GALNT8: variants seen among roughly 807,000 people sequenced by gnomAD.
GALNT8 encodes polypeptide N-acetylgalactosaminyltransferase 8, also known as probable polypeptide N-acetylgalactosaminyltransferase 8.
Under a neutral mutation model 62.7 loss-of-function variants are expected in GALNT8, and 66 were observed. That is an observed-to-expected ratio of 1.05 (90% confidence interval 0.86 to 1.29). The LOEUF (loss-of-function observed/expected upper bound fraction) is 1.29, where lower values mean the gene tolerates loss of function less well. Ranked by LOEUF, GALNT8 falls within the 50% of genes most tolerant of loss-of-function variation. The pLI is 0.00. For missense variants in GALNT8, 771 were observed against 791.8 expected, an observed-to-expected ratio of 0.97 and a Z score of 0.32; for synonymous variants, 288 against 294.3, an observed-to-expected ratio of 0.98 and a Z score of 0.22.
intron 5 of GALNT8, among the ~76,000 whole-genome samples, chr12:4,745,921 A>T (rs1004075894): frequency 6.6e-6 from 1 of 152,226 alleles, no homozygotes; most frequent in Non-Finnish European, 1.5e-5. Flanking sequence ...AAGGATACCT[A>T]GAAGAAAAAG....
chr12:4,766,781 G>A (rs935122226), intron 10 of GALNT8, among the ~76,000 whole-genome samples: 1 of 151,950 alleles, frequency 6.6e-6, no homozygotes, highest in East Asian at 1.9e-4. Context: ...CTTGGTTCAG[G>A]TGCCACACGG....
At position 4,726,770 on chromosome 12, in the gene GALNT8, C is replaced by T. The variant is rs34532073; in HGVS notation, c.450C>T (p.Asn150=). The change falls in exon 2 of 11, where the codon AAC becomes AAT. Residue 150 remains asparagine (N), a synonymous_variant. Coordinates refer to ENST00000252318, the MANE Select transcript of GALNT8 (RefSeq NM_017417.2). This position sits in a 1 kb window ranked among gnomAD's most constrained non-coding sequence, Gnocchi z 4.1. The part of the protein sequence containing the change: ...AQDLFRKFGY[N]AYLSNQLPLN... ...ACCTCTTCCGGAAGTTTGGTTACAA[C>T]GCGTACCTCAGCAACCAGCTGCCTC... is the stretch of plus-strand genomic sequence containing the variant. 4.7e-4 allele frequency: 755 copies of T among 1,613,996 alleles called. 4 individuals carry two copies. In the African/African-American group the frequency reaches 8.0e-3, roughly 17 times the overall value.
chr12:4,772,682 G>T lies in GALNT8; in HGVS notation c.*85G>T. The T allele has an allele frequency of 9.3e-7, 1 of 1,076,074 alleles. No individual in the cohort carries two copies. The highest frequency in any genetic ancestry group is 1.4e-6 in the Non-Finnish European group (1 of 722,682). 66.7% of individuals were successfully genotyped at this position (1,076,074 alleles called of 1,614,324 possible). ...TAACACTCCCAGCTTCTTTCTCAAT[G>T]AGAAAGAAAGCATGTGTATGTCTGT... is the stretch of plus-strand genomic sequence containing the variant. On this transcript the variant is annotated 3_prime_UTR_variant, in exon 11 of 11. Coordinates refer to ENST00000252318, the MANE Select transcript of GALNT8 (RefSeq NM_017417.2).
chr12:4,771,191 G>C (rs992564072), intron 10 of GALNT8, among the ~76,000 whole-genome samples: 2 of 152,238 alleles, frequency 1.3e-5, no homozygotes, highest in Non-Finnish European at 2.9e-5. Context: ...TGAGGAGTAA[G>C]CTGAGCCCTG....
chr12:4,746,371 A>T (rs1946299973), intron 6 of GALNT8, 113 bp downstream of exon 6: 1 of 696,078 alleles, frequency 1.4e-6, no homozygotes, highest in Admixed American at 2.3e-5. Flanking sequence ...TCAAAGGTGG[A>T]TACATTCTTA....
At chr12:4,736,929 A>T (rs1946247976) in intron 2 of GALNT8, among the ~76,000 whole-genome samples, 1 of 152,222 alleles carries the variant, frequency 6.6e-6, no homozygotes, top group African/African-American at 2.4e-5. Context: ...TTATAAATAT[A>T]TTCAAAGCAC....
chr12:4,742,632 A>G (rs1033701563), intron 3 of GALNT8, among the ~76,000 whole-genome samples: 1 of 152,140 alleles, frequency 6.6e-6, no homozygotes, highest in African/African-American at 2.4e-5. Context: ...GTGGTGATCT[A>G]AGGAGGGTTC....
Position 4,745,603 on chromosome 12 carries a change from G to T in GALNT8, c.1035G>T (p.Leu345=), listed in dbSNP as rs755931301. Reference sequence around the variant, plus strand: ...CACTGCCACAAGCCTGGATTGATCTGCATGATGTCACTGCCCCAGTGAAGT... The same window carrying T: ...CACTGCCACAAGCCTGGATTGATCTTCATGATGTCACTGCCCCAGTGAAGT... The part of the protein sequence containing the change: ...YDALPQAWID[L]HDVTAPVKSP... Residue 345 remains leucine (L), a synonymous_variant, in exon 5 of 11, where the codon CTG becomes CTT. Coordinates refer to ENST00000252318, the MANE Select transcript of GALNT8 (RefSeq NM_017417.2). The T allele has an allele frequency of 3.1e-6, 5 of 1,613,800 alleles. No individual in the cohort carries two copies. Among genetic ancestry groups the T allele is most frequent in the Non-Finnish European group, 3.4e-6 (4 of 1,179,762 alleles).
intron 1 of GALNT8, among the ~76,000 whole-genome samples, chr12:4,721,615 C>T (rs988100423): frequency 1.3e-5 from 2 of 152,222 alleles, no homozygotes; most frequent in African/African-American, 4.8e-5. Context: ...CACCTCCAGC[C>T]CTAAGGCGGT....
intron 3 of GALNT8, among the ~76,000 whole-genome samples, chr12:4,742,425 A>G (rs958478895): frequency 6.6e-6 from 1 of 152,232 alleles, no homozygotes; most frequent in Non-Finnish European, 1.5e-5. Flanking sequence ...AAATTTCACA[A>G]TCAACAACTA....
intron 10 of GALNT8, chr12:4,768,357 T>C (rs1181475740): frequency 2.9e-6 from 1 of 346,314 alleles, no homozygotes; most frequent in Non-Finnish European, 5.6e-6. Context: ...ATACAATGTA[T>C]TCTAAAGAAA....
At chr12:4,750,356 T>TC (rs1187451268) in intron 6 of GALNT8, among the ~76,000 whole-genome samples, 1 of 140,990 alleles carries the variant, frequency 7.1e-6, no homozygotes, top group Non-Finnish European at 1.6e-5. Flanking sequence ...CCCTCCACCC[T>TC]CCAAAAGGCC....
intron 2 of GALNT8, among the ~76,000 whole-genome samples, chr12:4,733,308 A>G (rs186224725): frequency 6.6e-6 from 1 of 152,344 alleles, no homozygotes; most frequent in East Asian, 1.9e-4. Context: ...ATTCCAGGCC[A>G]GGTACTGGTG....
intron 2 of GALNT8, among the ~76,000 whole-genome samples, chr12:4,730,399 G>T (rs1251897882): frequency 6.6e-6 from 1 of 152,100 alleles, no homozygotes; most frequent in Non-Finnish European, 1.5e-5. Flanking sequence ...TATGGTGTGA[G>T]ATAGGGTTCA....
chr12:4,757,843 T>A (rs968800616), intron 6 of GALNT8, among the ~76,000 whole-genome samples: 1 of 152,208 alleles, frequency 6.6e-6, no homozygotes, highest in African/African-American at 2.4e-5. Context: ...TAACTTTATT[T>A]ACGGTACTTA....
intron 1 of GALNT8, among the ~76,000 whole-genome samples, chr12:4,721,494 ACAAAGGTCTCTG>A (rs1215503251): frequency 6.6e-6 from 1 of 152,168 alleles, no homozygotes; most frequent in Non-Finnish European, 1.5e-5. Flanking sequence ...AAACACGTGA[ACAAAGGTCTCTG>A]CATCATAGAC....
At chr12:4,746,090 C>T in intron 5 of GALNT8, 54 bp from the exon 6 acceptor site, 1 of 1,006,302 alleles carries the variant, frequency 9.9e-7, no homozygotes, top group Non-Finnish European at 1.6e-6. Flanking sequence ...GCATCCCACC[C>T]CTCGCCTCCG....
At position 4,761,133 on chromosome 12, in the gene GALNT8, T is replaced by TA; in HGVS notation, c.1350dup (p.Pro451ThrfsTer25). 2 of 1,613,330 alleles carry TA rather than the reference T, an allele frequency of 1.2e-6. No homozygotes were observed. Among genetic ancestry groups the TA allele is most frequent in the Non-Finnish European group, 1.7e-6 (2 of 1,179,432 alleles). On this transcript the variant is annotated frameshift_variant, in exon 7 of 11. Coordinates refer to ENST00000252318, the MANE Select transcript of GALNT8 (RefSeq NM_017417.2). LOFTEE classifies it high-confidence loss of function. ...CACATGGTCTACTTGGCCTGGAACA[T>TA]ACCTCTCCAGGTGAGTCATGGAATT...
intron 6 of GALNT8, among the ~76,000 whole-genome samples, chr12:4,759,818 A>G (rs1946363488): frequency 6.6e-6 from 1 of 152,174 alleles, no homozygotes; most frequent in South Asian, 2.1e-4. Flanking sequence ...CACTTAGGCA[A>G]CCGTGAAGAG....
Sources: gnomAD v4.1 joint callset for allele counts (sites outside exome capture counted in the v4.1 genomes callset) on GRCh38, gnomAD v4.1.1 for gene constraint, Gnocchi (gnomAD v3.1) non-coding constraint, MANE v1.5 for transcripts, NCBI Gene and HGNC (gene_info 2026-07-23, HGNC 2026-07-21) for gene names.